CIMIP7: variants seen among roughly 807,000 people sequenced by gnomAD.
CIMIP7 encodes the protein ciliary microtubule inner protein 7, also known as uncharacterized protein C3orf84.
chr3:49,178,402 T>G, the CIMIP7 span: 2 of 1,338,526 alleles, frequency 1.5e-6, no homozygotes, highest in Non-Finnish European at 2.1e-6. Context: ...TGTCATCCCC[T>G]CCACCCTACC....
At chr3:49,185,552 G>A in the CIMIP7 span, among the ~76,000 whole-genome samples, 1 of 152,082 alleles carries the variant, frequency 6.6e-6, no homozygotes, top group Non-Finnish European at 1.5e-5. Flanking sequence ...GGCAACAAGA[G>A]CGGAACTCCA....
At chr3:49,188,830 C>T in the CIMIP7 span, among the ~76,000 whole-genome samples, 189 of 152,262 alleles carry the variant, frequency 1.2e-3, 2 homozygotes, top group South Asian at 0.017. Flanking sequence ...CCGAGTCTCA[C>T]TCTGTCACCC....
At chr3:49,189,057 C>T in the CIMIP7 span, among the ~76,000 whole-genome samples, 84 of 152,006 alleles carry the variant, frequency 5.5e-4, no homozygotes, top group African/African-American at 1.9e-3. Flanking sequence ...GCAACTTCCA[C>T]CTCCTGGGTT....
the CIMIP7 span, among the ~76,000 whole-genome samples, chr3:49,184,051 G>A: frequency 6.6e-6 from 1 of 152,326 alleles, no homozygotes; most frequent in East Asian, 1.9e-4. Context: ...AGGCTGGAGT[G>A]CGGTGACACA....
the CIMIP7 span, among the ~76,000 whole-genome samples, chr3:49,182,620 G>A: frequency 6.6e-6 from 1 of 152,338 alleles, no homozygotes; most frequent in East Asian, 1.9e-4. Flanking sequence ...ATCCCGCACT[G>A]GGGCTGCAGG....
the CIMIP7 span, among the ~76,000 whole-genome samples, chr3:49,181,659 C>A: frequency 6.6e-6 from 1 of 152,296 alleles, no homozygotes; most frequent in East Asian, 1.9e-4. Flanking sequence ...TATTTATAAA[C>A]CATATATCCA....
chr3:49,186,180 G>A, the CIMIP7 span, among the ~76,000 whole-genome samples: 29 of 147,846 alleles, frequency 2.0e-4, 1 homozygote, highest in Admixed American at 1.6e-3. Context: ...TGTATTTTTA[G>A]TAGAGACAGG....
the CIMIP7 span, chr3:49,178,627 G>T: frequency 8.6e-7 from 1 of 1,164,184 alleles, no homozygotes; most frequent in Non-Finnish European, 1.3e-6. Context: ...GGTCCTTAAT[G>T]GAGGGAAGTC....
chr3:49,190,038 A>G, the CIMIP7 span: 1 of 1,613,726 alleles, frequency 6.2e-7, no homozygotes, highest in Non-Finnish European at 8.5e-7. Context: ...ACATCGCTGC[A>G]GGAACACTGC....
the CIMIP7 span, chr3:49,190,261 C>A: frequency 1.6e-6 from 1 of 636,462 alleles, no homozygotes; most frequent in African/African-American, 1.8e-5. Flanking sequence ...AAGTTCCTGA[C>A]AGAATAGAAA....
chr3:49,188,969 T>A, the CIMIP7 span, among the ~76,000 whole-genome samples: 28 of 151,578 alleles, frequency 1.8e-4, no homozygotes, highest in East Asian at 9.7e-4. Context: ...CGGTTATTTT[T>A]TTTTTTTTTT....
chr3:49,190,098 T>C, the CIMIP7 span: 1 of 1,609,838 alleles, frequency 6.2e-7, no homozygotes, highest in Non-Finnish European at 8.5e-7. Context: ...ACTTTCACTC[T>C]TGAATTGGCT....
the CIMIP7 span, among the ~76,000 whole-genome samples, chr3:49,182,798 C>A: frequency 6.6e-6 from 1 of 152,180 alleles, no homozygotes; most frequent in Non-Finnish European, 1.5e-5. Context: ...CTGCAGGTCC[C>A]GAGCCCTGCC....
At chr3:49,185,373 A>T in the CIMIP7 span, among the ~76,000 whole-genome samples, 1 of 151,856 alleles carries the variant, frequency 6.6e-6, no homozygotes, top group Non-Finnish European at 1.5e-5. Context: ...GAGACCAACC[A>T]GGGAAATATG....
chr3:49,188,788 A>G, the CIMIP7 span, among the ~76,000 whole-genome samples: 25 of 151,774 alleles, frequency 1.6e-4, no homozygotes, highest in African/African-American at 5.8e-4. Context: ...CGATTTATTT[A>G]TTTATTTTTT....
the CIMIP7 span, chr3:49,191,658 C>G: frequency 6.9e-7 from 1 of 1,458,490 alleles, no homozygotes; most frequent in South Asian, 1.1e-5. Flanking sequence ...CAAATGAAAA[C>G]CTTTTCACTT....
chr3:49,183,415 G>C, the CIMIP7 span, among the ~76,000 whole-genome samples: 1 of 152,312 alleles, frequency 6.6e-6, no homozygotes, highest in Non-Finnish European at 1.5e-5. Context: ...GGGCGCGGTG[G>C]CTCATCCTGT....
the CIMIP7 span, among the ~76,000 whole-genome samples, chr3:49,181,584 A>T: frequency 6.6e-6 from 1 of 152,206 alleles, no homozygotes; most frequent in Non-Finnish European, 1.5e-5. Context: ...CATGAGCTTA[A>T]GAGGTCAAGG....
chr3:49,178,916 C>T, the CIMIP7 span, among the ~76,000 whole-genome samples: 24 of 152,168 alleles, frequency 1.6e-4, no homozygotes, highest in Non-Finnish European at 2.4e-4. Context: ...CCCCCATCAA[C>T]ATACCCAGCC....
Sources: allele counts gnomAD v4.1 joint callset (sites outside exome capture counted in the v4.1 genomes callset), GRCh38; gene constraint gnomAD v4.1.1; transcripts MANE v1.5; gene names NCBI Gene and HGNC (gene_info 2026-07-23, HGNC 2026-07-21).